Variants in ARHGEF7 observed in about 807,000 individuals in gnomAD.
ARHGEF7 encodes PAK-interacting exchange factor beta.
A neutral mutation model predicts 109.8 loss-of-function variants in ARHGEF7; 33 were observed. The ratio of observed to expected loss-of-function variants is 0.30; its 90% CI spans 0.23 to 0.40. The LOEUF (loss-of-function observed/expected upper bound fraction) is 0.40. ARHGEF7 is among the 10% of genes least tolerant of loss of function. The pLI is 1.00. For synonymous variants in ARHGEF7, 458 were observed against 424.6 expected (o/e 1.08, Z -0.97); for missense variants, 938 against 1,098.5 (o/e 0.85, Z 2.07).
Position 111,273,957 on chromosome 13 carries a change from T to G in ARHGEF7, c.1212+5T>G, listed in dbSNP as rs769149841. On this transcript the variant is annotated splice_donor_5th_base_variant and intron_variant, in intron 10 of 21. Transcript: ENST00000646102. The surrounding 1 kb of genome is among the most constrained non-coding windows in gnomAD (Gnocchi z 4.5). ...GAGCTCGAGAGACACATGGAGGTAC[T>G]GCGCTTTCATTCTCTTACTTGGAGT... 6.2e-7 allele frequency: 1 copy of G among 1,613,858 alleles called. No individual in the cohort carries two copies. Among genetic ancestry groups the G allele is most frequent in the Non-Finnish European group, 8.5e-7 (1 of 1,179,756 alleles).
At chr13:111,241,232 G>C in intron 6 of ARHGEF7, 2 of 1,536,158 alleles carry the variant, frequency 1.3e-6, no homozygotes, top group Non-Finnish European at 1.7e-6. Context: ...GCGTCCTCTG[G>C]GTTCCCAGCG....
At chr13:111,139,329 C>T (rs1045963327) in intron 1 of ARHGEF7, among the ~76,000 whole-genome samples, 2 of 152,198 alleles carry the variant, frequency 1.3e-5, no homozygotes, top group Non-Finnish European at 2.9e-5. Flanking sequence ...GGCTCCTTGT[C>T]TCTCCCTCTG....
intron 5 of ARHGEF7, among the ~76,000 whole-genome samples, chr13:111,223,858 ATT>A (rs35652076): frequency 1.3e-3 from 183 of 139,022 alleles, no homozygotes; most frequent in African/African-American, 3.3e-3. Flanking sequence ...TTTCTATAGC[ATT>A]TTTTTTTTTT....
At chr13:111,280,820 A>G (rs2092736518) in intron 15 of ARHGEF7, 143 bp downstream of exon 15, 2 of 989,006 alleles carry the variant, frequency 2.0e-6, no homozygotes, top group Non-Finnish European at 2.9e-6. Context: ...TTCTCTGCAG[A>G]TCTTTGGCCC....
chr13:111,189,945 C>T (rs965262761), intron 2 of ARHGEF7, among the ~76,000 whole-genome samples: 13 of 152,196 alleles, frequency 8.5e-5, no homozygotes, highest in Admixed American at 2.6e-4. Flanking sequence ...CCTCTCAATC[C>T]GCCCTCTAAA....
intron 5 of ARHGEF7, among the ~76,000 whole-genome samples, chr13:111,232,270 C>T: frequency 6.6e-6 from 1 of 152,018 alleles, no homozygotes. Context: ...GTGATGGACG[C>T]CATACACTGT....
At position 111,237,987 on chromosome 13, in the gene ARHGEF7, G is replaced by A. The variant is rs149727288; in HGVS notation, c.759+4694G>A. Among the ~76,000 whole-genome samples, 468 of 152,342 alleles carry A rather than the reference G, an allele frequency of 3.1e-3. 1 individual carries two copies. Among genetic ancestry groups the A allele is most frequent in the South Asian group, 0.011 (54 of 4,822 alleles). On this transcript the variant is annotated intron_variant, in intron 6 of 21. Transcript: ENST00000646102. ...CTCTGAGGCTAGGGAGGAAGCCAGC[G>A]TGGAACATGGCAGGCACACAGGCCT...
intron 8 of ARHGEF7, chr13:111,265,524 G>T (rs1434470645): frequency 2.2e-6 from 1 of 456,398 alleles, no homozygotes; most frequent in Non-Finnish European, 4.4e-6. Context: ...GCTCATGAAG[G>T]TGGAGGCACA....
chr13:111,268,798 A>C (rs1010062089), intron 9 of ARHGEF7, among the ~76,000 whole-genome samples: 1 of 152,276 alleles, frequency 6.6e-6, no homozygotes, highest in Non-Finnish European at 1.5e-5. Flanking sequence ...AGGTCAGGTC[A>C]GGGTGAACGC....
intron 2 of ARHGEF7, among the ~76,000 whole-genome samples, chr13:111,176,598 C>T (rs1034276955): frequency 6.6e-6 from 1 of 152,218 alleles, no homozygotes; most frequent in Admixed American, 6.5e-5. Context: ...GGAAGTTTCC[C>T]ATCAGGTAGG....
intron 9 of ARHGEF7, among the ~76,000 whole-genome samples, chr13:111,269,284 T>C (rs2091940885): frequency 6.6e-6 from 1 of 152,178 alleles, no homozygotes; most frequent in African/African-American, 2.4e-5. Context: ...TAAATTTGTA[T>C]CTCTGGAAAT....
rs2092705553 is a variant in ARHGEF7, at chr13:111,280,199, G to C, written c.1507-73G>C. 6.3e-6 allele frequency: 9 copies of C among 1,422,928 alleles called. No individual in the cohort carries two copies. The South Asian group carries it at 1.2e-4, about 18-fold the overall frequency. The allele number at this position is 1,422,928 out of a possible 1,614,324, so 88.1% of individuals were successfully genotyped here. On this transcript the variant is annotated intron_variant, in intron 13 of 21. Transcript: ENST00000646102. ...ACCAATTCTAAAATCATTTAATATTGACTTTAATAATGGTACCTTTTTCTA... is the reference window on the plus strand; with the variant it reads ...ACCAATTCTAAAATCATTTAATATTCACTTTAATAATGGTACCTTTTTCTA...
Position 111,303,606 on chromosome 13 carries a change from A to G in ARHGEF7, c.*493A>G, listed in dbSNP as rs574829198. 6.6e-6 allele frequency: 1 copy of G among 152,508 alleles called. No individual in the cohort carries two copies. The highest frequency in any genetic ancestry group is 2.1e-4 in the South Asian group (1 of 4,830). 9.4% of individuals were successfully genotyped at this position (152,508 alleles called of 1,614,324 possible). The stretch of plus-strand genomic sequence containing the variant: ...GTGGATGCCTGGTTCGTTCCGCAGC[A>G]CCAGGGCCTCCACCGTGCTGTGGCA... On this transcript the variant is annotated 3_prime_UTR_variant, in exon 22 of 22. Coordinates refer to ENST00000646102, the MANE Select transcript of ARHGEF7 (RefSeq NM_001354046.2).
At chr13:111,270,733 T>C (rs893327115) in intron 9 of ARHGEF7, among the ~76,000 whole-genome samples, 8 of 152,250 alleles carry the variant, frequency 5.3e-5, no homozygotes, top group Admixed American at 2.0e-4. Context: ...GAAAAGGTAC[T>C]TATGTGGATT....
rs2085619568 is a variant in ARHGEF7, at chr13:111,228,973, G to A, written c.671-4232G>A. On this transcript the variant is annotated intron_variant, in intron 5 of 21. Transcript: ENST00000646102. This position sits in a 1 kb window ranked among gnomAD's most constrained non-coding sequence, Gnocchi z 4.6. ...GCGGCTGGGTGGCTTCCAGTCAAGC[G>A]GAAGAGGCAAGTGAGGACTCACAGA... Among the ~76,000 whole-genome samples, 1 of 151,940 alleles carries A rather than the reference G, an allele frequency of 6.6e-6. No homozygotes were observed. The highest frequency in any genetic ancestry group is 1.5e-5 in the Non-Finnish European group (1 of 67,996).
chr13:111,274,702 A>G, intron 10 of ARHGEF7, 29 bp from the exon 11 acceptor site: 4 of 1,361,480 alleles, frequency 2.9e-6, no homozygotes, highest in Middle Eastern at 3.7e-4. Context: ...TCCTTATGAA[A>G]GCTAATTGTA....
chr13:111,281,664 G>C (rs569965729), intron 15 of ARHGEF7, among the ~76,000 whole-genome samples: 6 of 152,102 alleles, frequency 3.9e-5, no homozygotes, highest in African/African-American at 1.4e-4. Flanking sequence ...GTGTGTACAC[G>C]TGTGTTTATA....
At chr13:111,218,953 T>A (rs1045739538) in intron 5 of ARHGEF7, among the ~76,000 whole-genome samples, 1 of 152,226 alleles carries the variant, frequency 6.6e-6, no homozygotes, top group Admixed American at 6.5e-5. Flanking sequence ...CAGCCCTTAT[T>A]TGTAAACTTC....
intron 2 of ARHGEF7, chr13:111,185,187 C>G (rs530134519): frequency 6.6e-6 from 1 of 152,318 alleles, no homozygotes; most frequent in African/African-American, 2.4e-5. Context: ...TGCTGAGCTT[C>G]CCATCAGGAA....
Sources: gnomAD v4.1 joint callset for allele counts (sites outside exome capture counted in the v4.1 genomes callset) on GRCh38, gnomAD v4.1.1 for gene constraint, Gnocchi (gnomAD v3.1) non-coding constraint, MANE v1.5 for transcripts, NCBI Gene and HGNC (gene_info 2026-07-23, HGNC 2026-07-21) for gene names.